Variants in NPHP4 observed in about 807,000 individuals in gnomAD.
NPHP4 encodes the protein nephrocystin 4.
Under a neutral mutation model 155.8 loss-of-function variants are expected in NPHP4, and 151 were observed. The observed-to-expected ratio is 0.97, with a 90% CI of 0.85 to 1.11. The LOEUF is 1.11. Ranked by LOEUF, NPHP4 falls within the 50% of genes least tolerant of loss-of-function variation. The probability of loss-of-function intolerance (pLI) is 0.00; values close to 1 mark genes in which losing one functional copy is unlikely to be tolerated. For missense variants in NPHP4, 1,956 were observed against 1,925.7 expected (o/e 1.02, Z -0.29); for synonymous variants, 845 against 816.8 (o/e 1.03, Z -0.59).
rs571652314 is a variant in NPHP4 at position 5,880,406 on chromosome 1, TG to T, written c.2486-168del. 4.3e-4 allele frequency: 276 copies of T among 647,054 alleles called. No individual in the cohort carries two copies. The African/African-American group carries it at 4.7e-3, about 11-fold the overall frequency. The allele number at this position is 647,054 out of a possible 1,614,324, so 40.1% of individuals were successfully genotyped here. A position where few individuals can be genotyped will look rare whatever the true frequency, so the allele number is the denominator to read the frequency against. ...GAATGTTTTGCAATTGAGAGACAGG[TG>T]GGAGCTCGTTCTGCTGCGAACTTTC... On this transcript the variant is annotated intron_variant, in intron 18 of 29. Transcript: ENST00000378156.
chr1:5,975,420 C>T (rs1274265340), intron 3 of NPHP4, among the ~76,000 whole-genome samples: 1 of 152,204 alleles, frequency 6.6e-6, no homozygotes, highest in Non-Finnish European at 1.5e-5. Context: ...ACGGGGGCTT[C>T]AGCATCACCC....
At chr1:5,888,280 G>A in intron 17 of NPHP4, 1 of 945,960 alleles carries the variant, frequency 1.1e-6, no homozygotes, top group Non-Finnish European at 1.3e-6. Context: ...TGTGGGGGAT[G>A]ACAACGGCCT....
intron 16 of NPHP4, among the ~76,000 whole-genome samples, chr1:5,904,355 T>A (rs1297493490): frequency 2.0e-5 from 3 of 152,258 alleles, no homozygotes; most frequent in Admixed American, 1.3e-4. Context: ...ATTTTTTAGA[T>A]ATACATAAGG....
chr1:5,875,098 C>T lies in NPHP4; in HGVS notation c.2820G>A (p.Ala940=), dbSNP rs35575973. ...AGTGCTGTGTGCGGACGCTCTGCTG[C>T]GCCTGCAGACAAGAGGACATGGGTG... ...DLGRRGTSVL[A]QQSVRTQHLR... The change falls in exon 21 of 30, where the codon GCG becomes GCA. Residue 940 remains alanine (A), a splice_region_variant and synonymous_variant. Coordinates refer to ENST00000378156, the MANE Select transcript of NPHP4 (RefSeq NM_015102.5). 272 of 1,597,544 alleles carry T rather than the reference C, an allele frequency of 1.7e-4. No individual in the cohort carries two copies. The African/African-American group carries it at 2.6e-3, about 15-fold the overall frequency.
At chr1:5,934,437 T>A (rs1025599554) in intron 9 of NPHP4, among the ~76,000 whole-genome samples, 4 of 152,080 alleles carry the variant, frequency 2.6e-5, no homozygotes, top group African/African-American at 7.2e-5. Context: ...ACTTCCAGCC[T>A]CTGTGTCCCA....
rs114758120 is a variant in NPHP4 at position 5,910,577 on chromosome 1, C to T, written c.1442-1364G>A. On this transcript the variant is annotated intron_variant, in intron 11 of 29. Transcript: ENST00000378156. The surrounding 1 kb of genome is among the most constrained non-coding windows in gnomAD (Gnocchi z 5.4). ...CACAGGCCGGCACTTACGGGACCTACGGACCAAGCACACAGCACAGAGGCC... is the reference window on the plus strand; with the variant it reads ...CACAGGCCGGCACTTACGGGACCTATGGACCAAGCACACAGCACAGAGGCC... Among the ~76,000 whole-genome samples, 204 of 152,304 alleles carry T rather than the reference C, an allele frequency of 1.3e-3. No homozygotes were observed. Among genetic ancestry groups the T allele is most frequent in the African/African-American group, 4.7e-3 (195 of 41,570 alleles).
chr1:5,868,951 CACACAAT>C (rs1641637635), intron 23 of NPHP4, among the ~76,000 whole-genome samples: 1 of 140,262 alleles, frequency 7.1e-6, no homozygotes. Flanking sequence ...CATGCACACA[CACACAAT>C]GCACACACAC....
At chr1:5,873,804 GT>G in intron 22 of NPHP4, 1 of 273,196 alleles carries the variant, frequency 3.7e-6, no homozygotes, top group South Asian at 3.6e-5. Flanking sequence ...CTGCACACAA[GT>G]GCACACCTGC....
chr1:5,904,903 T>G (rs1644840695), intron 15 of NPHP4, 99 bp from the exon 16 acceptor site: 4 of 1,219,198 alleles, frequency 3.3e-6, no homozygotes, highest in Non-Finnish European at 4.8e-6. Flanking sequence ...GGCACCTTAG[T>G]CGCTGGGGAA....
chr1:5,987,351 G>C (rs184550003), intron 1 of NPHP4, among the ~76,000 whole-genome samples: 2 of 152,258 alleles, frequency 1.3e-5, no homozygotes, highest in East Asian at 3.9e-4. Context: ...TAAGACAGCA[G>C]CTCTCTAAGT....
At position 5,889,274 on chromosome 1, in the gene NPHP4, A is replaced by C. The variant is rs1043889791; in HGVS notation, c.2304+1594T>G. ...AAAGCTGGCCCCGCCTGCAGAAAGT[A>C]AGTCCACCAAAGGCTAACCGGAGCA... On this transcript the variant is annotated intron_variant, in intron 17 of 29. Coordinates refer to ENST00000378156, the MANE Select transcript of NPHP4 (RefSeq NM_015102.5). The surrounding 1 kb of genome is among the most constrained non-coding windows in gnomAD (Gnocchi z 4.2). Among the ~76,000 whole-genome samples the C allele has an allele frequency of 2.0e-5, 3 of 152,236 alleles. No individual in the cohort carries two copies. The highest frequency in any genetic ancestry group is 6.5e-5 in the Admixed American group (1 of 15,278).
At chr1:5,939,687 A>G (rs1161252852) in intron 9 of NPHP4, among the ~76,000 whole-genome samples, 1 of 152,014 alleles carries the variant, frequency 6.6e-6, no homozygotes, top group Non-Finnish European at 1.5e-5. Flanking sequence ...CCAGGAAGCA[A>G]CCCCCACCTC....
chr1:5,935,340 A>AG (rs1364948815), intron 9 of NPHP4, among the ~76,000 whole-genome samples: 1 of 152,192 alleles, frequency 6.6e-6, no homozygotes, highest in Non-Finnish European at 1.5e-5. Context: ...TCACAGGGTG[A>AG]GCGGGGATTT....
chr1:5,930,321 T>C (rs990255099), intron 10 of NPHP4, among the ~76,000 whole-genome samples: 1 of 152,208 alleles, frequency 6.6e-6, no homozygotes, highest in African/African-American at 2.4e-5. Context: ...TCTGCTGTTA[T>C]TGACTTCTGA....
At position 5,864,033 on chromosome 1, in the gene NPHP4, C is replaced by G; in HGVS notation, c.3997G>C (p.Ala1333Pro). 1 of 1,612,886 alleles carries G rather than the reference C, an allele frequency of 6.2e-7. No individual in the cohort carries two copies. The highest frequency in any genetic ancestry group is 8.5e-7 in the Non-Finnish European group (1 of 1,179,528). Residue 1333 changes from alanine (A) to proline (P), a missense_variant and splice_region_variant, in exon 29 of 30, where the codon GCC becomes CCC. By Grantham distance (27) the Ala-to-Pro change is conservative (BLOSUM62 -1). Coordinates refer to ENST00000378156, the MANE Select transcript of NPHP4 (RefSeq NM_015102.5). ...LCCRQPLISK[A>P]FEIMLAAGEG... ...CCCGCAGCCAACATGATCTCAAAGG[C>G]CTGTGGAGGGAGGGGACAGGGAGAC...
intron 11 of NPHP4, among the ~76,000 whole-genome samples, chr1:5,916,671 T>C (rs1645489187): frequency 6.6e-6 from 1 of 152,252 alleles, no homozygotes; most frequent in Non-Finnish European, 1.5e-5. Flanking sequence ...GTAAATCTTC[T>C]GGTGAGGAAC....
In NPHP4 at chr1:5,961,967, A is replaced by G. The variant is rs751941380; in HGVS notation, c.518-18T>C. ...TCTGTTTTCTGGTGAAGAAAACACA[A>G]TGTGATCAACTGATAGCTGAAAGCA... On this transcript the variant is annotated intron_variant, in intron 5 of 29. Coordinates refer to ENST00000378156, the MANE Select transcript of NPHP4 (RefSeq NM_015102.5). 1.3e-5 allele frequency: 21 copies of G among 1,587,012 alleles called. No individual in the cohort carries two copies. The highest frequency in any genetic ancestry group is 1.7e-4 in the Middle Eastern group (1 of 5,998).
chr1:5,902,594 T>C (rs1570348955), intron 16 of NPHP4, among the ~76,000 whole-genome samples: 2 of 151,942 alleles, frequency 1.3e-5, no homozygotes, highest in Non-Finnish European at 2.9e-5. Context: ...TTTACACTTA[T>C]CAAATTTTTT....
At position 5,863,893 on chromosome 1, in the gene NPHP4, GA is replaced by G; in HGVS notation, c.4136del (p.Phe1379SerfsTer27). On this transcript the variant is annotated frameshift_variant, in exon 29 of 30. Coordinates refer to ENST00000378156, the MANE Select transcript of NPHP4 (RefSeq NM_015102.5). LOFTEE classifies it high-confidence loss of function. ...PELLRFREDS[F>X]QVGGGETYTI... ...CCCAGGCACAGCCCCACCACACCTGGAAGGAGTCCTCTCTGAACCGCAGCAG... is the reference window on the plus strand; with the variant it reads ...CCCAGGCACAGCCCCACCACACCTGGAGGAGTCCTCTCTGAACCGCAGCAG... The G allele has an allele frequency of 6.2e-7, 1 of 1,613,870 alleles. No individual in the cohort carries two copies. The highest frequency in any genetic ancestry group is 1.3e-5 in the African/African-American group (1 of 75,042).
Sources: allele counts gnomAD v4.1 joint callset (sites outside exome capture counted in the v4.1 genomes callset), GRCh38; gene constraint gnomAD v4.1.1; non-coding constraint Gnocchi (gnomAD v3.1); transcripts MANE v1.5; gene names NCBI Gene and HGNC (gene_info 2026-07-23, HGNC 2026-07-21).